The following SNX4 variants were observed in gnomAD, a reference collection of about 807,000 sequenced individuals.
SNX4 encodes the protein sorting nexin-4.
SNX4 carries 49 observed loss-of-function variants against 70.8 expected under a neutral mutation model. The ratio of observed to expected loss-of-function variants is 0.69; its 90% confidence interval spans 0.55 to 0.88. The LOEUF is 0.88. SNX4 is among the 40% of genes least tolerant of loss of function. The pLI, the probability that SNX4 is intolerant of heterozygous loss-of-function variation, is 0.00. For synonymous variants in SNX4, 206 were observed against 183.8 expected, an observed-to-expected ratio of 1.12 and a Z score of -0.98; for missense variants, 528 against 544.8, an observed-to-expected ratio of 0.97 and a Z score of 0.31.
intron 13 of SNX4, among the ~76,000 whole-genome samples, chr3:125,450,917 G>A (rs1200334887): frequency 6.6e-6 from 1 of 152,128 alleles, no homozygotes; most frequent in African/African-American, 2.4e-5. Flanking sequence ...TATAAATGGA[G>A]ATACAAATTT....
chr3:125,513,108 G>A (rs916889874), intron 1 of SNX4, among the ~76,000 whole-genome samples: 1 of 152,182 alleles, frequency 6.6e-6, no homozygotes, highest in African/African-American at 2.4e-5. Flanking sequence ...AACACTCAAG[G>A]TGATGGTATT....
At chr3:125,500,892 A>G (rs148106128) in intron 2 of SNX4, among the ~76,000 whole-genome samples, 2,301 of 40,974 alleles carry the variant, frequency 0.056, 58 homozygotes, top group African/African-American at 0.23. Flanking sequence ...GCTAATTTAC[A>G]AAAAAAAAAA....
At chr3:125,475,842 G>T (rs1934278400) in intron 8 of SNX4, among the ~76,000 whole-genome samples, 1 of 152,098 alleles carries the variant, frequency 6.6e-6, no homozygotes, top group Admixed American at 6.6e-5. Context: ...GCAGAGCATG[G>T]TGATGTGTGT....
Position 125,453,914 on chromosome 3 carries a change from G to C in SNX4, c.1086C>G (p.Leu362=). 6.2e-7 allele frequency: 1 copy of C among 1,613,894 alleles called. No homozygotes were observed. The highest frequency in any genetic ancestry group is 8.5e-7 in the Non-Finnish European group (1 of 1,179,924). The change falls in exon 12 of 14, where the codon CTC becomes CTG. Residue 362 remains leucine (L), a synonymous_variant. Transcript: ENST00000251775. ...TFSLKGMTTK[L]FGQETPEQRE... Reference sequence around the variant, plus strand: ...TCTGCTCTGGAGTTTCTTGACCAAAGAGCTTGGTAGTCATTCCCTTCAAAG... The same window carrying C: ...TCTGCTCTGGAGTTTCTTGACCAAACAGCTTGGTAGTCATTCCCTTCAAAG...
At chr3:125,509,554 C>A (rs1161145697) in intron 1 of SNX4, among the ~76,000 whole-genome samples, 1 of 151,810 alleles carries the variant, frequency 6.6e-6, no homozygotes, top group African/African-American at 2.4e-5. Context: ...GAGTTCAAGG[C>A]CAGCCTAGCC....
chr3:125,469,001 C>T (rs1005944155), intron 9 of SNX4, among the ~76,000 whole-genome samples: 1 of 152,038 alleles, frequency 6.6e-6, no homozygotes, highest in African/African-American at 2.4e-5. Flanking sequence ...CTTGTCTCAC[C>T]ATATTGAGTA....
intron 5 of SNX4, among the ~76,000 whole-genome samples, chr3:125,493,411 T>C (rs1239062822): frequency 6.6e-6 from 1 of 152,056 alleles, no homozygotes; most frequent in Non-Finnish European, 1.5e-5. Context: ...CCCAGCACTT[T>C]GGGAGGCTGA....
At chr3:125,448,583 A>G (rs1933488823) in intron 13 of SNX4, among the ~76,000 whole-genome samples, 1 of 151,828 alleles carries the variant, frequency 6.6e-6, no homozygotes, top group African/African-American at 2.4e-5. Flanking sequence ...ACCTGAAGTT[A>G]CTTAGCACAG....
intron 7 of SNX4, among the ~76,000 whole-genome samples, chr3:125,479,640 A>T (rs1934361391): frequency 6.6e-6 from 1 of 152,148 alleles, no homozygotes; most frequent in South Asian, 2.1e-4. Context: ...CTGGTATCCT[A>T]GTCTCTTTCA....
In SNX4 at chr3:125,498,047, T is replaced by G; in HGVS notation, c.399+12A>C. On this transcript the variant is annotated intron_variant, in intron 3 of 13. Coordinates refer to ENST00000251775, the MANE Select transcript of SNX4 (RefSeq NM_003794.4). ...CTGAATACTTCTAAACTACTGCCAT[T>G]TCACTTCTTACCCGTTTTTCTGGCA... 1 of 1,614,066 alleles carries G rather than the reference T, an allele frequency of 6.2e-7. No individual in the cohort carries two copies. The highest frequency in any genetic ancestry group is 1.6e-4 in the Middle Eastern group (1 of 6,062).
At chr3:125,485,103 A>C (rs1934492340) in intron 6 of SNX4, among the ~76,000 whole-genome samples, 1 of 151,938 alleles carries the variant, frequency 6.6e-6, no homozygotes, top group Admixed American at 6.6e-5. Context: ...CCAGCCAGCC[A>C]GGCTTGATGG....
intron 7 of SNX4, among the ~76,000 whole-genome samples, chr3:125,477,299 A>C (rs1219684478): frequency 6.6e-6 from 1 of 152,224 alleles, no homozygotes; most frequent in African/African-American, 2.4e-5. Context: ...GAATACATGC[A>C]TATACTTCTA....
At position 125,482,826 on chromosome 3, in the gene SNX4, T is replaced by G. The variant is rs1934444523; in HGVS notation, c.654-2507A>C. Among the ~76,000 whole-genome samples, 3 of 152,116 alleles carry G rather than the reference T, an allele frequency of 2.0e-5. No individual in the cohort carries two copies. The South Asian group carries it at 6.2e-4, about 32-fold the overall frequency. On this transcript the variant is annotated intron_variant, in intron 6 of 13. Coordinates refer to ENST00000251775, the MANE Select transcript of SNX4 (RefSeq NM_003794.4). ...ACTCTTACTCCCCCAGGGCAGTGTT[T>G]TTCAGCAAGGAAAATAATTTAGGGA... is the stretch of plus-strand genomic sequence containing the variant.
intron 1 of SNX4, among the ~76,000 whole-genome samples, chr3:125,518,967 C>T (rs1026839192): frequency 2.6e-5 from 4 of 151,784 alleles, no homozygotes; most frequent in African/African-American, 4.8e-5. Context: ...GAGCCGAGAT[C>T]GTGCCACTGC....
At chr3:125,475,869 T>C (rs1224034252) in intron 8 of SNX4, among the ~76,000 whole-genome samples, 1 of 151,936 alleles carries the variant, frequency 6.6e-6, no homozygotes, top group Non-Finnish European at 1.5e-5. Context: ...TCTCAGCTAC[T>C]TGGGAGGCTG....
chr3:125,453,436 C>T (rs1301535174), intron 12 of SNX4, among the ~76,000 whole-genome samples: 1 of 152,050 alleles, frequency 6.6e-6, no homozygotes, highest in Non-Finnish European at 1.5e-5. Context: ...ATTTCTCTTT[C>T]CCCCACATTG....
intron 9 of SNX4, among the ~76,000 whole-genome samples, chr3:125,464,512 A>C (rs1195271219): frequency 6.7e-6 from 1 of 150,160 alleles, no homozygotes; most frequent in Non-Finnish European, 1.5e-5. Flanking sequence ...GAGCTATAGA[A>C]GTGTGAGTCT....
chr3:125,518,847 T>C (rs1230595931), intron 1 of SNX4, among the ~76,000 whole-genome samples: 1 of 134,738 alleles, frequency 7.4e-6, no homozygotes, highest in African/African-American at 2.7e-5. Flanking sequence ...TACTAAAAAC[T>C]AAAAAAAAAA....
chr3:125,515,852 A>G (rs1935268007), intron 1 of SNX4, among the ~76,000 whole-genome samples: 1 of 152,006 alleles, frequency 6.6e-6, no homozygotes, highest in South Asian at 2.1e-4. Flanking sequence ...TTTGAGACCA[A>G]CCTGGACAAC....
Sources: allele counts gnomAD v4.1 joint callset (sites outside exome capture counted in the v4.1 genomes callset), GRCh38; gene constraint gnomAD v4.1.1; transcripts MANE v1.5; gene names NCBI Gene and HGNC (gene_info 2026-07-23, HGNC 2026-07-21).